The following MYLK variants were observed in gnomAD, a reference collection of about 807,000 sequenced individuals.
MYLK encodes the protein myosin light chain kinase.
In MYLK, 106 loss-of-function variants were observed where a neutral mutation model predicts 203.4. That is an observed-to-expected ratio of 0.52 (90% confidence interval 0.45 to 0.61). The LOEUF (loss-of-function observed/expected upper bound fraction) is 0.61, where lower values mean the gene tolerates loss of function less well. MYLK is among the 20% of genes least tolerant of loss of function. The pLI, the probability that MYLK is intolerant of heterozygous loss-of-function variation, is 0.00. For missense variants in MYLK, 2,072 were observed against 2,442.3 expected, an observed-to-expected ratio of 0.85 and a Z score of 3.20; for synonymous variants, 867 against 959.5, an observed-to-expected ratio of 0.90 and a Z score of 1.78.
intron 2 of MYLK, among the ~76,000 whole-genome samples, chr3:123,855,589 T>C (rs1156690896): frequency 6.6e-6 from 1 of 152,040 alleles, no homozygotes; most frequent in African/African-American, 2.4e-5. Context: ...CAGTGAGTTA[T>C]GATTGTGCTA....
chr3:123,857,832 A>T (rs77602597), intron 2 of MYLK, among the ~76,000 whole-genome samples: 4 of 151,704 alleles, frequency 2.6e-5, no homozygotes, highest in Admixed American at 6.6e-5. Flanking sequence ...GAAAAAAAAA[A>T]TTGTGTGTCA....
chr3:123,801,386 T>A (rs956513485), intron 3 of MYLK, among the ~76,000 whole-genome samples: 22 of 152,194 alleles, frequency 1.4e-4, no homozygotes, highest in African/African-American at 4.3e-4. Context: ...GGAAAAGTGG[T>A]CTTCTTTATT....
At chr3:123,701,334 G>A (rs2061212856) in intron 17 of MYLK, 104 bp downstream of exon 17, 2 of 1,225,650 alleles carry the variant, frequency 1.6e-6, no homozygotes, top group South Asian at 1.3e-5. Context: ...AGCCTCAGCT[G>A]CAGGACACAA....
At position 123,752,435 on chromosome 3, in the gene MYLK, C is replaced by T. The variant is rs201064955; in HGVS notation, c.269G>A (p.Ser90Asn). The T allele has an allele frequency of 1.5e-5, 24 of 1,614,102 alleles. No individual in the cohort carries two copies. The Admixed American group carries it at 2.8e-4, about 19-fold the overall frequency. The change falls in exon 5 of 34, where the codon AGC becomes AAC. Residue 90 changes from serine to asparagine, a missense_variant. Transcript: ENST00000360304. Reference sequence around the variant, plus strand: ...CTCATGGACAGCATGAATCACAAGGCTGAAAGTCCCCCGGATGCCGCAATC... The same window carrying T: ...CTCATGGACAGCATGAATCACAAGGTTGAAAGTCCCCCGGATGCCGCAATC... ...LLDCGIRGTFSLVIHAVHEED... is the reference protein window; with the variant it reads ...LLDCGIRGTFNLVIHAVHEED...
At chr3:123,657,081 C>G in intron 24 of MYLK, 45 bp downstream of exon 24, 1 of 1,604,460 alleles carries the variant, frequency 6.2e-7, no homozygotes, top group East Asian at 2.2e-5. Context: ...CAAGGTCAGT[C>G]ACGCACATTT....
At chr3:123,847,552 T>C (rs1333093613) in intron 2 of MYLK, among the ~76,000 whole-genome samples, 2 of 152,154 alleles carry the variant, frequency 1.3e-5, no homozygotes, top group Admixed American at 1.3e-4. Flanking sequence ...ACTATTTTGA[T>C]AGATGTTCTT....
intron 13 of MYLK, among the ~76,000 whole-genome samples, chr3:123,711,713 C>T (rs1286774430): frequency 6.6e-6 from 1 of 152,182 alleles, no homozygotes; most frequent in Non-Finnish European, 1.5e-5. Context: ...GCAGGTTCAA[C>T]TGTTGAGAAA....
At chr3:123,800,584 G>A (rs2065162404) in intron 3 of MYLK, among the ~76,000 whole-genome samples, 1 of 152,128 alleles carries the variant, frequency 6.6e-6, no homozygotes, top group Non-Finnish European at 1.5e-5. Flanking sequence ...AGAGCTTCAG[G>A]AATGATCCTT....
intron 24 of MYLK, among the ~76,000 whole-genome samples, chr3:123,650,827 G>A (rs2059187428): frequency 6.6e-6 from 1 of 152,210 alleles, no homozygotes; most frequent in South Asian, 2.1e-4. Flanking sequence ...TAGTGTTCAG[G>A]AGAATCTGAT....
intron 4 of MYLK, among the ~76,000 whole-genome samples, chr3:123,779,228 G>A (rs1273008034): frequency 6.6e-6 from 1 of 152,194 alleles, no homozygotes; most frequent in East Asian, 1.9e-4. Context: ...GAGCAGACTG[G>A]CTGGGGGATG....
In MYLK at chr3:123,700,122, G is replaced by C. The variant is rs750938164; in HGVS notation, c.3346C>G (p.Leu1116Val). The C allele has an allele frequency of 3.1e-6, 5 of 1,613,968 alleles. No individual in the cohort carries two copies. ...TCAGAAGACACCTGGCACTGGAGCA[G>C]CAGCTTCTTGCCCTCTGCCACATGA... is the stretch of plus-strand genomic sequence containing the variant. ...DVHVAEGKKL[L>V]LQCQVSSDPP... The change falls in exon 18 of 34, where the codon CTG becomes GTG. Residue 1116 changes from leucine (L) to valine (V), a missense_variant. Transcript: ENST00000360304.
intron 12 of MYLK, among the ~76,000 whole-genome samples, chr3:123,723,688 G>A (rs1000407874): frequency 3.3e-5 from 5 of 152,218 alleles, no homozygotes; most frequent in Non-Finnish European, 5.9e-5. Flanking sequence ...CTCCCAGCTC[G>A]GAGGCTGGGT....
chr3:123,719,643 C>T (rs4048449), intron 13 of MYLK, among the ~76,000 whole-genome samples: 6,804 of 152,320 alleles, frequency 0.045, 209 homozygotes, highest in Middle Eastern at 0.1. Flanking sequence ...AATGCTAAAA[C>T]GCCAGGGTGC....
chr3:123,846,013 T>A (rs1397700506), intron 2 of MYLK, among the ~76,000 whole-genome samples: 1 of 152,236 alleles, frequency 6.6e-6, no homozygotes, highest in Non-Finnish European at 1.5e-5. Context: ...AGACTTTATT[T>A]GGATTTCACC....
chr3:123,779,271 G>A lies in MYLK; in HGVS notation c.165+14406C>T, dbSNP rs1478724878. ...GGGAACCAGTCTCCCTGGGCCCAAC[G>A]TCCCCTTGCACACGGATGAGGCAGG... On this transcript the variant is annotated intron_variant, in intron 4 of 33. Coordinates refer to ENST00000360304, the MANE Select transcript of MYLK (RefSeq NM_053025.4). Among the ~76,000 whole-genome samples, 7 of 152,194 alleles carry A rather than the reference G, an allele frequency of 4.6e-5. No homozygotes were observed. In the South Asian group the frequency reaches 1.0e-3, roughly 23 times the overall value.
At chr3:123,734,533 C>A in intron 9 of MYLK, 1 of 299,406 alleles carries the variant, frequency 3.3e-6, no homozygotes, top group Non-Finnish European at 6.1e-6. Flanking sequence ...CCACTCTGCC[C>A]TCTCTAATCT....
chr3:123,634,285 G>A (rs777169567), intron 29 of MYLK, among the ~76,000 whole-genome samples: 5 of 152,220 alleles, frequency 3.3e-5, no homozygotes, highest in Admixed American at 6.5e-5. Context: ...GAATCAGAGC[G>A]TATTTCCAGG....
At position 123,819,167 on chromosome 3, in the gene MYLK, G is replaced by A. The variant is rs573976951; in HGVS notation, c.-4+12381C>T. On this transcript the variant is annotated intron_variant, in intron 3 of 33. Transcript: ENST00000360304. ...CATTCTTCATGTCTCTCACAGTTTT[G>A]CACATCTTGCAAGCAGAGGCACTGA... Among the ~76,000 whole-genome samples the A allele has an allele frequency of 1.3e-3, 199 of 152,286 alleles. 4 individuals are homozygous for A. Among genetic ancestry groups the A allele is most frequent in the Non-Finnish European group, 2.1e-4 (14 of 68,032 alleles).
chr3:123,737,898 T>C (rs890484961), intron 7 of MYLK, among the ~76,000 whole-genome samples: 1 of 152,148 alleles, frequency 6.6e-6, no homozygotes, highest in East Asian at 1.9e-4. Flanking sequence ...AGGAAGCAGG[T>C]AAAAGGTGTC....
Sources: allele counts gnomAD v4.1 joint callset (sites outside exome capture counted in the v4.1 genomes callset), GRCh38; gene constraint gnomAD v4.1.1; transcripts MANE v1.5; gene names NCBI Gene and HGNC (gene_info 2026-07-23, HGNC 2026-07-21).